Variants in GRM7 observed in about 807,000 individuals in gnomAD.
The protein encoded by GRM7 is metabotropic glutamate receptor 7.
GRM7 carries 35 observed loss-of-function variants against 84.5 expected under a neutral mutation model. The ratio of observed to expected loss-of-function variants is 0.41; its 90% CI spans 0.32 to 0.55. The LOEUF (loss-of-function observed/expected upper bound fraction) is 0.55, where lower values mean the gene tolerates loss of function less well. Among genes scored for constraint, GRM7 ranks in the 20% least tolerant of loss-of-function variants. The pLI is 0.19. For missense variants in GRM7, 1,003 were observed against 1,194.6 expected, an observed-to-expected ratio of 0.84 and a Z score of 2.36; for synonymous variants, 487 against 455.1, an observed-to-expected ratio of 1.07 and a Z score of -0.89.
At chr3:7,119,194 C>T (rs566444721) in intron 1 of GRM7, among the ~76,000 whole-genome samples, 2 of 152,196 alleles carry the variant, frequency 1.3e-5, no homozygotes, top group East Asian at 1.9e-4. Flanking sequence ...TTTGCTTCCA[C>T]ATTTTATTAA....
intron 1 of GRM7, among the ~76,000 whole-genome samples, chr3:6,888,498 C>T (rs957361133): frequency 3.6e-4 from 54 of 152,076 alleles, no homozygotes; most frequent in African/African-American, 1.2e-3. Context: ...AATCCTTTCC[C>T]CATTGCTTGT....
chr3:7,010,593 G>C (rs1695337172), intron 1 of GRM7, among the ~76,000 whole-genome samples: 1 of 152,208 alleles, frequency 6.6e-6, no homozygotes, highest in Non-Finnish European at 1.5e-5. Flanking sequence ...AGGGTGATAA[G>C]ACATTGAAGA....
At chr3:7,184,692 A>G (rs1695456380) in intron 2 of GRM7, among the ~76,000 whole-genome samples, 2 of 152,096 alleles carry the variant, frequency 1.3e-5, no homozygotes, top group Non-Finnish European at 2.9e-5. Flanking sequence ...TGAACTCTTA[A>G]TATATTTAAG....
rs1007915322 is a variant in GRM7, at chr3:7,703,323, C to T, written c.2698+23028C>T. Among the ~76,000 whole-genome samples, 12 of 152,208 alleles carry T rather than the reference C, an allele frequency of 7.9e-5. No homozygotes were observed. In the East Asian group the frequency reaches 2.3e-3, roughly 29 times the overall value. On this transcript the variant is annotated intron_variant, in intron 9 of 9. Transcript: ENST00000357716. ...CCATTAATCTGTGTTTTAACAACCC[C>T]CCCAAGTAAGTCCGATGCATGCTAC...
chr3:6,915,817 A>T (rs1696922378), intron 1 of GRM7, among the ~76,000 whole-genome samples: 1 of 151,984 alleles, frequency 6.6e-6, no homozygotes, highest in Admixed American at 6.6e-5. Context: ...ATAACAGTAA[A>T]TTTTTTTTAA....
intron 2 of GRM7, among the ~76,000 whole-genome samples, chr3:7,187,927 G>C (rs1272454512): frequency 6.6e-6 from 1 of 152,120 alleles, no homozygotes; most frequent in Non-Finnish European, 1.5e-5. Flanking sequence ...TACCTCAGTT[G>C]TCTCAATGCC....
At position 7,107,938 on chromosome 3, in the gene GRM7, T is replaced by C. The variant is rs111815635; in HGVS notation, c.520-38514T>C. On this transcript the variant is annotated intron_variant, in intron 1 of 9. Coordinates refer to ENST00000357716, the MANE Select transcript of GRM7 (RefSeq NM_000844.4). ...AAAGACGAGAAAAGAGACAGGCAGATGTTTGAGCATTCATAAAATGTTTGA... is the reference window on the plus strand; with the variant it reads ...AAAGACGAGAAAAGAGACAGGCAGACGTTTGAGCATTCATAAAATGTTTGA... 2.5e-3 allele frequency among the ~76,000 whole-genome samples: 377 copies of C among 152,148 alleles called. 2 individuals carry two copies. Among genetic ancestry groups the C allele is most frequent in the African/African-American group, 8.8e-3 (365 of 41,538 alleles).
chr3:7,480,233 C>G (rs1195748141), intron 7 of GRM7, among the ~76,000 whole-genome samples: 1 of 152,146 alleles, frequency 6.6e-6, no homozygotes, highest in Admixed American at 6.5e-5. Flanking sequence ...CTAGGCCCCT[C>G]AAGATAGAAG....
At chr3:6,995,194 T>G (rs1205398979) in intron 1 of GRM7, among the ~76,000 whole-genome samples, 1 of 152,186 alleles carries the variant, frequency 6.6e-6, no homozygotes, top group Non-Finnish European at 1.5e-5. Flanking sequence ...TGCATTTTAT[T>G]TGGATAAGTA....
At chr3:6,894,442 G>A (rs901816166) in intron 1 of GRM7, among the ~76,000 whole-genome samples, 2 of 152,098 alleles carry the variant, frequency 1.3e-5, no homozygotes, top group Admixed American at 6.6e-5. Context: ...TGGCAGAAAA[G>A]GGATTTATGT....
chr3:7,148,964 G>A (rs1339455907), intron 2 of GRM7, among the ~76,000 whole-genome samples: 1 of 151,850 alleles, frequency 6.6e-6, no homozygotes, highest in Admixed American at 6.6e-5. Context: ...TATGGTATTT[G>A]GCATGTATTT....
At chr3:7,551,268 A>G (rs954154289) in intron 7 of GRM7, among the ~76,000 whole-genome samples, 1 of 152,192 alleles carries the variant, frequency 6.6e-6, no homozygotes, top group Non-Finnish European at 1.5e-5. Flanking sequence ...AGTTTTGCAT[A>G]CAGACCCCTT....
intron 8 of GRM7, among the ~76,000 whole-genome samples, chr3:7,664,571 T>C (rs1001125919): frequency 2.6e-5 from 4 of 152,224 alleles, no homozygotes; most frequent in African/African-American, 9.6e-5. Flanking sequence ...GCAGGTGTGT[T>C]ACATAGGTAT....
At chr3:7,555,384 A>G (rs1292623742) in intron 7 of GRM7, among the ~76,000 whole-genome samples, 3 of 152,322 alleles carry the variant, frequency 2.0e-5, no homozygotes, top group East Asian at 3.9e-4. Context: ...CTGGCTCTAT[A>G]GAATCTCTTC....
intron 7 of GRM7, among the ~76,000 whole-genome samples, chr3:7,468,016 A>G (rs1316059642): frequency 6.6e-6 from 1 of 152,240 alleles, no homozygotes; most frequent in Non-Finnish European, 1.5e-5. Context: ...AAGACATAAG[A>G]AAAGCAGTTG....
intron 7 of GRM7, among the ~76,000 whole-genome samples, chr3:7,519,462 G>T (rs756084): frequency 0.62 from 94,707 of 151,992 alleles, 30,529 homozygotes; most frequent in African/African-American, 0.8. Context: ...AACTTTTGCT[G>T]TTACATGGGA....
At chr3:7,096,629 C>T (rs1698870649) in intron 1 of GRM7, among the ~76,000 whole-genome samples, 1 of 152,078 alleles carries the variant, frequency 6.6e-6, no homozygotes, top group Non-Finnish European at 1.5e-5. Context: ...CTGGTGAAAT[C>T]ATTGGCCACA....
chr3:7,266,112 A>T (rs981008768), intron 2 of GRM7, among the ~76,000 whole-genome samples: 5 of 152,312 alleles, frequency 3.3e-5, no homozygotes, highest in Middle Eastern at 3.4e-3. Context: ...AGAGAGAGAA[A>T]ACCTCTGATA....
chr3:7,653,076 C>G (rs1699021085), intron 8 of GRM7, among the ~76,000 whole-genome samples: 1 of 151,866 alleles, frequency 6.6e-6, no homozygotes, highest in Non-Finnish European at 1.5e-5. Context: ...GCAATGAGCT[C>G]CTACTCTTAC....
Sources: allele counts gnomAD v4.1 joint callset (sites outside exome capture counted in the v4.1 genomes callset), GRCh38; gene constraint gnomAD v4.1.1; transcripts MANE v1.5; gene names NCBI Gene and HGNC (gene_info 2026-07-23, HGNC 2026-07-21).